Variants in ITSN1 observed in about 807,000 individuals in gnomAD.
The protein encoded by ITSN1 is intersectin 1.
A neutral mutation model predicts 239.8 loss-of-function variants in ITSN1; 58 were observed. The observed-to-expected ratio is 0.24, with a 90% CI of 0.20 to 0.30. The LOEUF (loss-of-function observed/expected upper bound fraction) is 0.30, where lower values mean the gene tolerates loss of function less well. ITSN1 is among the 10% of genes least tolerant of loss of function. ITSN1 has a pLI of 1.00. For missense variants in ITSN1, 1,558 were observed against 2,103.3 expected (o/e 0.74, Z 5.07); for synonymous variants, 780 against 770.8 (o/e 1.01, Z -0.20).
At chr21:33,772,693 C>G (rs1310738778) in intron 12 of ITSN1, among the ~76,000 whole-genome samples, 1 of 152,060 alleles carries the variant, frequency 6.6e-6, no homozygotes, top group Admixed American at 6.6e-5. Context: ...TGAATCAGTC[C>G]TTTATTCCTG....
At chr21:33,709,585 C>T (rs1225685380) in intron 1 of ITSN1, among the ~76,000 whole-genome samples, 1 of 152,086 alleles carries the variant, frequency 6.6e-6, no homozygotes, top group Non-Finnish European at 1.5e-5. Flanking sequence ...CCCAGCCTGT[C>T]TTTTGTTAAA....
In ITSN1 at chr21:33,836,478, G is replaced by A; in HGVS notation, c.3507G>A (p.Gln1169=). The A allele has an allele frequency of 6.2e-7, 1 of 1,613,868 alleles. No individual in the cohort carries two copies. The highest frequency in any genetic ancestry group is 8.5e-7 in the Non-Finnish European group (1 of 1,179,852). The part of the protein sequence containing the change: ...QVIGMYDYTA[Q]NDDELAFNKG... ...TTGGGATGTACGACTACACCGCGCA[G>A]AATGACGATGAGCTGGCCTTCAACA... The change falls in exon 29 of 40, where the codon CAG becomes CAA. Residue 1169 remains glutamine, a synonymous_variant. Transcript: ENST00000381318.
Position 33,678,061 on chromosome 21 carries a change from A to G in ITSN1, c.-33+35348A>G, listed in dbSNP as rs188866223. Among the ~76,000 whole-genome samples, 958 of 152,344 alleles carry G rather than the reference A, an allele frequency of 6.3e-3. 8 individuals carry two copies. Among genetic ancestry groups the G allele is most frequent in the Non-Finnish European group, 9.6e-3 (652 of 68,030 alleles). On this transcript the variant is annotated intron_variant, in intron 1 of 39. Coordinates refer to ENST00000381318, the MANE Select transcript of ITSN1 (RefSeq NM_003024.3). ...TTTAAAATAAAATCCAAGCCTTACT[A>G]TAAAAGATCCACTTGTCTGGCCTCT...
At chr21:33,653,616 G>A (rs1269604240) in intron 1 of ITSN1, among the ~76,000 whole-genome samples, 5 of 151,652 alleles carry the variant, frequency 3.3e-5, no homozygotes, top group Admixed American at 1.3e-4. Flanking sequence ...TCCACCTCCC[G>A]GGATCATGCC....
chr21:33,729,459 C>G (rs565556252), intron 4 of ITSN1, among the ~76,000 whole-genome samples: 6 of 140,916 alleles, frequency 4.3e-5, no homozygotes, highest in Non-Finnish European at 7.7e-5. Flanking sequence ...AACAAACAAA[C>G]AAATAAAAAA....
chr21:33,748,283 C>G (rs962463805), intron 5 of ITSN1, among the ~76,000 whole-genome samples: 2 of 151,812 alleles, frequency 1.3e-5, no homozygotes, highest in Admixed American at 1.3e-4. Flanking sequence ...GACCCTGTCT[C>G]TACAAAAAAA....
intron 1 of ITSN1, among the ~76,000 whole-genome samples, chr21:33,681,314 A>G (rs114934040): frequency 6.6e-6 from 1 of 152,366 alleles, no homozygotes; most frequent in African/African-American, 2.4e-5. Flanking sequence ...ATCAAGCTTC[A>G]TGAGAACGAG....
intron 20 of ITSN1, among the ~76,000 whole-genome samples, chr21:33,804,766 C>T (rs1227920631): frequency 5.3e-5 from 8 of 152,148 alleles, no homozygotes; most frequent in Non-Finnish European, 1.0e-4. Flanking sequence ...TAAATCAGTA[C>T]AATCTTTTGG....
intron 1 of ITSN1, among the ~76,000 whole-genome samples, chr21:33,686,165 A>G (rs1431641068): frequency 6.6e-6 from 1 of 152,222 alleles, no homozygotes; most frequent in African/African-American, 2.4e-5. Context: ...TTTCTTCAGT[A>G]GCTAAACAGA....
At chr21:33,752,971 G>C (rs1216151748) in intron 7 of ITSN1, among the ~76,000 whole-genome samples, 1 of 152,070 alleles carries the variant, frequency 6.6e-6, no homozygotes, top group African/African-American at 2.4e-5. Flanking sequence ...TTTTAAAAAT[G>C]ATTTAAAGAA....
intron 31 of ITSN1, among the ~76,000 whole-genome samples, chr21:33,860,898 A>G (rs992503529): frequency 6.6e-6 from 1 of 152,178 alleles, no homozygotes; most frequent in African/African-American, 2.4e-5. Flanking sequence ...TTCTGAGAGC[A>G]AGGGAATCAG....
chr21:33,781,312 G>C, intron 14 of ITSN1, 149 bp from the exon 15 acceptor site: 1 of 601,078 alleles, frequency 1.7e-6, no homozygotes, highest in Non-Finnish European at 2.9e-6. Context: ...AAGAAAGCAG[G>C]AGCCACACCT....
rs373191026 is a variant in ITSN1, at chr21:33,693,064, G to A, written c.-32-25733G>A. On this transcript the variant is annotated intron_variant, in intron 1 of 39. Transcript: ENST00000381318. ...CGCCCACCTCGCCTCCCGAAGTGCT[G>A]GGATTATAGGCATGAGCCACCGCGC... Among the ~76,000 whole-genome samples, 38 of 152,152 alleles carry A rather than the reference G, an allele frequency of 2.5e-4. No individual in the cohort carries two copies. In the South Asian group the frequency reaches 7.7e-3, roughly 31 times the overall value.
At position 33,876,629 on chromosome 21, in the gene ITSN1, C is replaced by T. The variant is rs375656138; in HGVS notation, c.4341+1108C>T. On this transcript the variant is annotated intron_variant, in intron 34 of 39. Coordinates refer to ENST00000381318, the MANE Select transcript of ITSN1 (RefSeq NM_003024.3). ...AACATAGATATTCCTGGCCAGGTGC[C>T]GTGACTCACGCCTGTAATCCCAGTG... Among the ~76,000 whole-genome samples, 31 of 152,238 alleles carry T rather than the reference C, an allele frequency of 2.0e-4. 1 individual carries two copies. In the South Asian group the frequency reaches 5.8e-3, roughly 28 times the overall value.
At chr21:33,840,773 C>T (rs1338984972) in intron 29 of ITSN1, among the ~76,000 whole-genome samples, 1 of 152,244 alleles carries the variant, frequency 6.6e-6, no homozygotes, top group Non-Finnish European at 1.5e-5. Flanking sequence ...GCTGAGATTA[C>T]AGGCGTGAGC....
intron 27 of ITSN1, among the ~76,000 whole-genome samples, chr21:33,833,683 C>T (rs912992630): frequency 1.8e-4 from 28 of 152,166 alleles, no homozygotes; most frequent in Admixed American, 6.5e-4. Flanking sequence ...CTGGCTAACA[C>T]GGTGAAACCC....
intron 22 of ITSN1, 134 bp downstream of exon 22, chr21:33,814,206 TC>T: frequency 2.3e-6 from 2 of 851,790 alleles, no homozygotes; most frequent in Non-Finnish European, 3.5e-6. Context: ...AGTATGGGAA[TC>T]CAGTGCAGGA....
chr21:33,706,433 T>C (rs188403474), intron 1 of ITSN1, among the ~76,000 whole-genome samples: 7 of 152,238 alleles, frequency 4.6e-5, no homozygotes, highest in African/African-American at 7.2e-5. Context: ...ATAAAGGTAT[T>C]TGGAAAAGCA....
At chr21:33,727,115 G>A (rs147844458) in intron 4 of ITSN1, among the ~76,000 whole-genome samples, 15 of 152,250 alleles carry the variant, frequency 9.9e-5, no homozygotes, top group African/African-American at 2.6e-4. Flanking sequence ...AGTCAAGTCA[G>A]TGTGTGTCAT....
Sources: allele counts gnomAD v4.1 joint callset (sites outside exome capture counted in the v4.1 genomes callset), GRCh38; gene constraint gnomAD v4.1.1; transcripts MANE v1.5; gene names NCBI Gene and HGNC (gene_info 2026-07-23, HGNC 2026-07-21).